ZNF644: variants seen among roughly 807,000 people sequenced by gnomAD.
The protein encoded by ZNF644 is zinc finger motif enhancer binding protein 2.
Under a neutral mutation model 108.0 loss-of-function variants are expected in ZNF644, and 20 were observed. The ratio of observed to expected loss-of-function variants is 0.19; its 90% CI spans 0.13 to 0.27. The LOEUF is 0.27. Among genes scored for constraint, ZNF644 ranks in the 10% least tolerant of loss-of-function variants. ZNF644 has a pLI of 1.00. For missense variants in ZNF644, 1,338 were observed against 1,548.9 expected (o/e 0.86, Z 2.29); for synonymous variants, 542 against 539.1 (o/e 1.01, Z -0.08).
intron 1 of ZNF644, among the ~76,000 whole-genome samples, chr1:91,006,546 T>C (rs1171610080): frequency 2.0e-5 from 3 of 152,314 alleles, no homozygotes; most frequent in African/African-American, 2.4e-5. Context: ...ATAAGGCCAA[T>C]ATTGCCCTCA....
At chr1:90,918,248 A>C (rs1649026769) in intron 4 of ZNF644, 94 bp from the exon 5 acceptor site, 4 of 1,030,070 alleles carry the variant, frequency 3.9e-6, no homozygotes, top group Non-Finnish European at 4.5e-6. Flanking sequence ...AGACCATCTA[A>C]ATCAGTTAGA....
At chr1:90,937,031 C>T (rs557664465) in intron 4 of ZNF644, among the ~76,000 whole-genome samples, 11 of 152,206 alleles carry the variant, frequency 7.2e-5, no homozygotes, top group Admixed American at 6.5e-4. Context: ...TTTGTTTTAC[C>T]TAAGCAGTGG....
intron 1 of ZNF644, among the ~76,000 whole-genome samples, chr1:91,010,236 CTTTT>C (rs577966817): frequency 2.3e-5 from 3 of 129,904 alleles, no homozygotes; most frequent in East Asian, 2.2e-4. Context: ...ATGTCTGTGC[CTTTT>C]TTTTTTTTTT....
rs776836946 is a variant in ZNF644 at position 90,918,127 on chromosome 1, C to A, written c.3716G>T (p.Arg1239Met). The A allele has an allele frequency of 6.2e-7, 1 of 1,614,032 alleles. No homozygotes were observed. Among genetic ancestry groups the A allele is most frequent in the Non-Finnish European group, 8.5e-7 (1 of 1,179,968 alleles). ...SALDCKQKKS[R>M]SRSGSKKKML... is the part of the protein sequence containing the mutation. ...TTTCTTCTTGCTTCCAGATCTTGACCTTGATTTCTTTTGCTTACAATCTAA... is the reference window on the plus strand; with the variant it reads ...TTTCTTCTTGCTTCCAGATCTTGACATTGATTTCTTTTGCTTACAATCTAA... Residue 1239 changes from arginine (R) to methionine (M), a missense_variant, in exon 5 of 6, where the codon AGG (arginine) becomes ATG (methionine). Coordinates refer to ENST00000337393, the MANE Select transcript of ZNF644 (RefSeq NM_201269.3).
chr1:90,921,323 T>C (rs542037136), intron 4 of ZNF644, among the ~76,000 whole-genome samples: 14 of 152,254 alleles, frequency 9.2e-5, no homozygotes, highest in Admixed American at 2.0e-4. Context: ...GAGTTGTTTA[T>C]ATGAATAATC....
chr1:91,021,863 G>C (rs1660969961), intron 1 of ZNF644, 127 bp downstream of exon 1: 2 of 397,764 alleles, frequency 5.0e-6, no homozygotes, highest in African/African-American at 2.1e-5. Context: ...AGCTCCCCGG[G>C]CCCGAGAGCC....
At chr1:90,985,952 C>G (rs1197730574) in intron 1 of ZNF644, among the ~76,000 whole-genome samples, 1 of 152,034 alleles carries the variant, frequency 6.6e-6, no homozygotes, top group Non-Finnish European at 1.5e-5. Flanking sequence ...CACATCCTTG[C>G]CAACATTTGT....
In ZNF644 at chr1:90,995,430, G is replaced by A. The variant is rs139693409; in HGVS notation, c.-17-13060C>T. Among the ~76,000 whole-genome samples, 280 of 152,234 alleles carry A rather than the reference G, an allele frequency of 1.8e-3. 1 individual carries two copies. Among genetic ancestry groups the A allele is most frequent in the African/African-American group, 6.3e-3 (263 of 41,558 alleles). ...ATTAGGCAGTCCAACATATATGTAA[G>A]TCCCAAAAAGAAAGGAATGAGATGA... On this transcript the variant is annotated intron_variant, in intron 1 of 5. Coordinates refer to ENST00000337393, the MANE Select transcript of ZNF644 (RefSeq NM_201269.3).
chr1:91,001,960 T>C (rs1406686349), intron 1 of ZNF644, among the ~76,000 whole-genome samples: 3 of 152,086 alleles, frequency 2.0e-5, no homozygotes, highest in Admixed American at 6.5e-5. Flanking sequence ...ACCTAGGAAT[T>C]CAACTTACAA....
At chr1:91,021,329 GGGGAGGGCTAT>G in intron 1 of ZNF644, 1 of 152,538 alleles carries the variant, frequency 6.6e-6, no homozygotes, top group Non-Finnish European at 1.5e-5. Context: ...GACGGGGGGA[GGGGAGGGCTAT>G]GCGGTCCTGT....
At chr1:91,012,771 T>C (rs908215790) in intron 1 of ZNF644, among the ~76,000 whole-genome samples, 1 of 152,190 alleles carries the variant, frequency 6.6e-6, no homozygotes, top group African/African-American at 2.4e-5. Flanking sequence ...GGGAGTTACC[T>C]AGGTATACTT....
rs942799684 is a variant in ZNF644 at position 90,916,052 on chromosome 1, T to C, written c.*746A>G. The C allele has an allele frequency of 1.3e-5, 2 of 152,556 alleles. No individual in the cohort carries two copies. Among genetic ancestry groups the C allele is most frequent in the African/African-American group, 2.4e-5 (1 of 41,438 alleles). The allele number at this position is 152,556 out of a possible 1,614,324, so 9.5% of individuals were successfully genotyped here. ...ATGATACAAAAATGTAAAGGGTAAA[T>C]AGCATCTTTGTTGACAAAGTAGGAG... On this transcript the variant is annotated 3_prime_UTR_variant, in exon 6 of 6. Coordinates refer to ENST00000337393, the MANE Select transcript of ZNF644 (RefSeq NM_201269.3).
At chr1:91,007,404 G>T (rs1358718880) in intron 1 of ZNF644, among the ~76,000 whole-genome samples, 1 of 151,790 alleles carries the variant, frequency 6.6e-6, no homozygotes, top group Non-Finnish European at 1.5e-5. Context: ...AGCAGAGACA[G>T]GGTTTTACCA....
intron 1 of ZNF644, among the ~76,000 whole-genome samples, chr1:91,008,087 T>A (rs72953059): frequency 0.058 from 8,824 of 152,218 alleles, 403 homozygotes; most frequent in East Asian, 0.2. Context: ...TTCTCAGAAC[T>A]GGGAGGGAAA....
At position 91,019,139 on chromosome 1, in the gene ZNF644, T is replaced by C. The variant is rs186915978; in HGVS notation, c.-18+2851A>G. On this transcript the variant is annotated intron_variant, in intron 1 of 5. Coordinates refer to ENST00000337393, the MANE Select transcript of ZNF644 (RefSeq NM_201269.3). ...CATTCAAAGAAGTTAAAAATCACTA[T>C]AGGGTTCCACCATAAATGACTGTCA... 1.6e-4 allele frequency among the ~76,000 whole-genome samples: 24 copies of C among 152,310 alleles called. No homozygotes were observed. The East Asian group carries it at 1.7e-3, about 11-fold the overall frequency.
chr1:90,953,004 T>TA (rs1233372196), intron 2 of ZNF644, among the ~76,000 whole-genome samples: 16 of 129,232 alleles, frequency 1.2e-4, no homozygotes, highest in African/African-American at 4.2e-4. Context: ...AGACAACAAT[T>TA]AGACTGAGGA....
Position 90,940,747 on chromosome 1 carries a change from C to T in ZNF644, c.607G>A (p.Asp203Asn), listed in dbSNP as rs779122957. 3 of 1,614,010 alleles carry T rather than the reference C, an allele frequency of 1.9e-6. No homozygotes were observed. Among genetic ancestry groups the T allele is most frequent in the Non-Finnish European group, 2.5e-6 (3 of 1,179,982 alleles). Residue 203 changes from aspartate to asparagine, a missense_variant, in exon 3 of 6, where the codon GAC becomes AAC. Coordinates refer to ENST00000337393, the MANE Select transcript of ZNF644 (RefSeq NM_201269.3). ...KLPTSASVGC[D>N]IQNSVGSNIK... ...TTACTCCCTACTGAATTCTGAATGT[C>T]ACAACCAACTGAAGCAGAGGTAGGT...
intron 1 of ZNF644, among the ~76,000 whole-genome samples, chr1:91,011,544 G>A (rs529509533): frequency 6.6e-6 from 1 of 151,992 alleles, no homozygotes; most frequent in East Asian, 1.9e-4. Context: ...CAGTATTTAC[G>A]AAAAATAATG....
chr1:90,987,943 G>A (rs545487130), intron 1 of ZNF644, among the ~76,000 whole-genome samples: 21 of 152,246 alleles, frequency 1.4e-4, no homozygotes, highest in African/African-American at 4.8e-4. Flanking sequence ...AAAGCCCACA[G>A]CTAACATCAC....
Sources: gnomAD v4.1 joint callset for allele counts (sites outside exome capture counted in the v4.1 genomes callset) on GRCh38, gnomAD v4.1.1 for gene constraint, MANE v1.5 for transcripts, NCBI Gene and HGNC (gene_info 2026-07-23, HGNC 2026-07-21) for gene names.